WDR45B: variants seen among roughly 807,000 people sequenced by gnomAD.
The protein encoded by WDR45B is WD repeat domain phosphoinositide-interacting protein 3.
A neutral mutation model predicts 44.6 loss-of-function variants in WDR45B; 20 were observed. The observed-to-expected ratio is 0.45, with a 90% CI of 0.32 to 0.65. The LOEUF (loss-of-function observed/expected upper bound fraction) is 0.65, where lower values mean the gene tolerates loss of function less well. WDR45B is among the 30% of genes least tolerant of loss of function. The pLI is 0.05. For missense variants in WDR45B, 323 were observed against 430.2 expected, an observed-to-expected ratio of 0.75 and a Z score of 2.20; for synonymous variants, 169 against 164.9, an observed-to-expected ratio of 1.02 and a Z score of -0.19.
At chr17:82,647,850 G>A (rs1163300501) in intron 1 of WDR45B, among the ~76,000 whole-genome samples, 1 of 151,916 alleles carries the variant, frequency 6.6e-6, no homozygotes, top group Non-Finnish European at 1.5e-5. Context: ...GTTCTGGGCA[G>A]GGCGTCAATC....
intron 1 of WDR45B, among the ~76,000 whole-genome samples, chr17:82,646,676 T>A (rs1255665021): frequency 6.6e-6 from 1 of 152,034 alleles, no homozygotes; most frequent in Non-Finnish European, 1.5e-5. Flanking sequence ...GGTGTGTAGT[T>A]TGGAAAATTC....
chr17:82,626,831 G>C (rs937901160), intron 4 of WDR45B: 10 of 301,424 alleles, frequency 3.3e-5, no homozygotes, highest in Non-Finnish European at 4.5e-5. Flanking sequence ...AACCTTTATT[G>C]AGAGGCAGCA....
chr17:82,630,878 T>C (rs2045758264), intron 3 of WDR45B, 43 bp downstream of exon 3: 9 of 1,557,150 alleles, frequency 5.8e-6, no homozygotes, highest in Non-Finnish European at 8.0e-6. Context: ...AAAGACTGGG[T>C]GGGACACGTG....
intron 5 of WDR45B, among the ~76,000 whole-genome samples, chr17:82,624,531 A>AT (rs1213071811): frequency 6.6e-6 from 1 of 151,966 alleles, no homozygotes; most frequent in Non-Finnish European, 1.5e-5. Context: ...AAGTGCTGGG[A>AT]TTACAGGCGT....
At chr17:82,629,680 G>GT in intron 3 of WDR45B, 1 of 985,254 alleles carries the variant, frequency 1.0e-6, no homozygotes, top group South Asian at 4.7e-5. Flanking sequence ...CCTCACCCGA[G>GT]TGTGGTCTCT....
chr17:82,634,033 C>T (rs1230423092), intron 2 of WDR45B, among the ~76,000 whole-genome samples: 1 of 150,944 alleles, frequency 6.6e-6, no homozygotes, highest in East Asian at 1.9e-4. Flanking sequence ...TGCCTGTAAT[C>T]CCAGCTACTT....
intron 9 of WDR45B, among the ~76,000 whole-genome samples, chr17:82,616,246 G>A (rs1417899825): frequency 1.3e-5 from 2 of 152,184 alleles, no homozygotes; most frequent in African/African-American, 4.8e-5. Flanking sequence ...GTTGGCTACA[G>A]GGTTAAGAAA....
Position 82,643,824 on chromosome 17 carries a change from G to A in WDR45B, c.142+125C>T, listed in dbSNP as rs1255113717. ...AGGACAGCTCCCTCCAAGTTTATGA[G>A]GGGCCATGAACCCTATTTACTTCTC... On this transcript the variant is annotated intron_variant, in intron 2 of 9. Coordinates refer to ENST00000392325, the MANE Select transcript of WDR45B (RefSeq NM_019613.4). 3 of 895,146 alleles carry A rather than the reference G, an allele frequency of 3.4e-6. No individual in the cohort carries two copies. In the African/African-American group the frequency reaches 5.0e-5, roughly 15 times the overall value. 55.5% of individuals were successfully genotyped at this position (895,146 alleles called of 1,614,324 possible). A position where few individuals can be genotyped will look rare whatever the true frequency, so the allele number is the denominator to read the frequency against.
At chr17:82,623,702 T>TAAAAA (rs34801109) in intron 5 of WDR45B, among the ~76,000 whole-genome samples, 1 of 131,576 alleles carries the variant, frequency 7.6e-6, no homozygotes, top group Non-Finnish European at 1.6e-5. Flanking sequence ...CATCTCATAT[T>TAAAAA]AAAAAAAAAA....
At chr17:82,644,311 G>A (rs911993091) in intron 1 of WDR45B, 18 of 474,652 alleles carry the variant, frequency 3.8e-5, no homozygotes, top group African/African-American at 2.0e-4. Flanking sequence ...CTTGGAGGAC[G>A]ATCAGTGACA....
chr17:82,625,333 C>T, intron 5 of WDR45B, 56 bp downstream of exon 5: 1 of 1,539,396 alleles, frequency 6.5e-7, no homozygotes, highest in Non-Finnish European at 9.0e-7. Flanking sequence ...GTGCCCAGCA[C>T]AGGCATCTCC....
At chr17:82,626,937 G>A (rs1030483451) in intron 4 of WDR45B, 28 of 523,672 alleles carry the variant, frequency 5.3e-5, no homozygotes, top group African/African-American at 3.6e-4. Context: ...AACTCACCAC[G>A]GTGAGACCCA....
intron 2 of WDR45B, among the ~76,000 whole-genome samples, chr17:82,632,563 A>G (rs940192538): frequency 3.9e-5 from 6 of 152,070 alleles, no homozygotes; most frequent in Admixed American, 1.3e-4. Flanking sequence ...CTCTGAGGGG[A>G]GCAACAGGGG....
At chr17:82,647,687 C>G (rs1432051095) in intron 1 of WDR45B, among the ~76,000 whole-genome samples, 1 of 148,342 alleles carries the variant, frequency 6.7e-6, no homozygotes, top group Non-Finnish European at 1.5e-5. Context: ...CGATGGAAAC[C>G]GACGGGAAAG....
chr17:82,616,466 A>G lies in WDR45B; in HGVS notation c.928+58T>C. ...CCATGGGAAGTTAGGTCTGACGCTC[A>G]GTGGATGGAGCCCAGGTGGGGCGGG... On this transcript the variant is annotated intron_variant, in intron 9 of 9. Transcript: ENST00000392325. 3 of 1,611,744 alleles carry G rather than the reference A, an allele frequency of 1.9e-6. No homozygotes were observed. The Admixed American group carries it at 5.0e-5, about 27-fold the overall frequency.
intron 6 of WDR45B, among the ~76,000 whole-genome samples, chr17:82,620,223 C>CAA (rs2045595167): frequency 6.6e-6 from 1 of 152,148 alleles, no homozygotes; most frequent in Non-Finnish European, 1.5e-5. Context: ...CACCTGAGGT[C>CAA]GGGAGTTCCA....
At chr17:82,646,145 A>G (rs2143393694) in intron 1 of WDR45B, among the ~76,000 whole-genome samples, 1 of 148,968 alleles carries the variant, frequency 6.7e-6, no homozygotes, top group East Asian at 2.0e-4. Context: ...AAGATCTACA[A>G]CTATACTCAA....
intron 2 of WDR45B, among the ~76,000 whole-genome samples, chr17:82,639,825 CG>C (rs772255798): frequency 6.3e-5 from 7 of 111,944 alleles, no homozygotes; most frequent in Non-Finnish European, 1.2e-4. Context: ...TGTGTCAGGT[CG>C]GGAGGGCTGC....
At chr17:82,621,125 C>T (rs892252921) in intron 6 of WDR45B, among the ~76,000 whole-genome samples, 1 of 150,612 alleles carries the variant, frequency 6.6e-6, no homozygotes, top group Non-Finnish European at 1.5e-5. Flanking sequence ...ATGATCTCAG[C>T]TCACTGCAAT....
Sources: gnomAD v4.1 joint callset for allele counts (sites outside exome capture counted in the v4.1 genomes callset) on GRCh38, gnomAD v4.1.1 for gene constraint, MANE v1.5 for transcripts, NCBI Gene and HGNC (gene_info 2026-07-23, HGNC 2026-07-21) for gene names.